Variants in NQO2 observed in about 807,000 individuals in gnomAD.
NQO2 encodes the protein N-ribosyldihydronicotinamide:quinone dehydrogenase 2.
In NQO2, 18 loss-of-function variants were observed where a neutral mutation model predicts 22.0. That is an observed-to-expected ratio of 0.82 (90% CI 0.56 to 1.21). The LOEUF (loss-of-function observed/expected upper bound fraction) is 1.21. NQO2 is among the 50% of genes most tolerant of loss of function. The pLI, the probability that NQO2 is intolerant of heterozygous loss-of-function variation, is 0.00. For synonymous variants in NQO2, 106 were observed against 110.8 expected, an observed-to-expected ratio of 0.96 and a Z score of 0.28; for missense variants, 267 against 286.9, an observed-to-expected ratio of 0.93 and a Z score of 0.50.
chr6:3,005,721 C>T, intron 1 of NQO2: 4 of 985,378 alleles, frequency 4.1e-6, no homozygotes, highest in African/African-American at 1.7e-5. Flanking sequence ...AGGCCAAAGG[C>T]TCCCCTGGGG....
At chr6:3,008,389 G>A (rs1342875058) in intron 2 of NQO2, among the ~76,000 whole-genome samples, 1 of 149,184 alleles carries the variant, frequency 6.7e-6, no homozygotes, top group African/African-American at 2.5e-5. Context: ...TCCAGCCTGG[G>A]CAACAAGAGC....
chr6:3,015,953 C>T (rs1022875328), intron 5 of NQO2, among the ~76,000 whole-genome samples: 1 of 152,172 alleles, frequency 6.6e-6, no homozygotes, highest in African/African-American at 2.4e-5. Flanking sequence ...CGGTGGCCAG[C>T]CCTGGCTCCA....
At chr6:3,012,854 C>A (rs1229770444) in intron 4 of NQO2, among the ~76,000 whole-genome samples, 180 bp downstream of exon 4, 1 of 151,470 alleles carries the variant, frequency 6.6e-6, no homozygotes, top group African/African-American at 2.4e-5. Context: ...CACCTAGTTA[C>A]ACCACTTCAC....
chr6:3,013,485 G>A (rs1757219026), intron 4 of NQO2, among the ~76,000 whole-genome samples: 2 of 152,066 alleles, frequency 1.3e-5, no homozygotes, highest in Admixed American at 1.3e-4. Context: ...CTGCACAAAT[G>A]TTTATCAGGG....
chr6:3,006,796 T>C lies in NQO2; in HGVS notation c.7+237T>C. ...TTCTATGTTCTCACTTGTTTCATTG[T>C]TCCTTTCGACTCCCTCCAGAATTTA... On this transcript the variant is annotated intron_variant, in intron 2 of 6. Transcript: ENST00000380455. This position sits in a 1 kb window ranked among gnomAD's most constrained non-coding sequence, Gnocchi z 4.0. 1 of 474,854 alleles carries C rather than the reference T, an allele frequency of 2.1e-6. No individual in the cohort carries two copies. The highest frequency in any genetic ancestry group is 3.7e-6 in the Non-Finnish European group (1 of 273,412). The allele number at this position is 474,854 out of a possible 1,614,324, so 29.4% of individuals were successfully genotyped here. A position where few individuals can be genotyped will look rare whatever the true frequency, so the allele number is the denominator to read the frequency against.
In NQO2 at chr6:3,000,521, C is replaced by G. The variant is rs1338818720; in HGVS notation, c.-86+436C>G. ...AATCAGCTTCTCTAACCTATAATCT[C>G]TCTGGGAAAAAAAAAAATCAGCTTT... is the stretch of plus-strand genomic sequence containing the variant. On this transcript the variant is annotated intron_variant, in intron 1 of 6. Transcript: ENST00000380455. Among the ~76,000 whole-genome samples the G allele has an allele frequency of 2.0e-5, 3 of 149,724 alleles. No homozygotes were observed. In the South Asian group the frequency reaches 6.2e-4, roughly 31 times the overall value.
At chr6:3,011,589 G>A (rs1412657631) in intron 3 of NQO2, among the ~76,000 whole-genome samples, 2 of 152,146 alleles carry the variant, frequency 1.3e-5, no homozygotes, top group Non-Finnish European at 2.9e-5. Context: ...AAATATCCTG[G>A]TAGAGGAAGG....
intron 5 of NQO2, among the ~76,000 whole-genome samples, chr6:3,016,295 G>A (rs1370368031): frequency 2.6e-5 from 4 of 152,056 alleles, no homozygotes; most frequent in Non-Finnish European, 4.4e-5. Context: ...GCCGGGCATG[G>A]TGGTAGGCGC....
intron 1 of NQO2, chr6:3,003,408 A>T: frequency 2.7e-6 from 1 of 368,210 alleles, no homozygotes; most frequent in Non-Finnish European, 3.8e-6. Context: ...CAGTGCTAAG[A>T]CAACCATGTC....
At chr6:3,016,418 G>A (rs1170729984) in intron 5 of NQO2, among the ~76,000 whole-genome samples, 5 of 126,116 alleles carry the variant, frequency 4.0e-5, no homozygotes, top group African/African-American at 1.4e-4. Flanking sequence ...GTGACAAAGC[G>A]AGACTCTGTC....
intron 1 of NQO2, among the ~76,000 whole-genome samples, chr6:3,000,582 C>T (rs1373355901): frequency 6.6e-6 from 1 of 151,962 alleles, no homozygotes; most frequent in Non-Finnish European, 1.5e-5. Context: ...CACTCTGTCG[C>T]CCAGGCTGGA....
Position 3,006,572 on chromosome 6 carries a change from T to C in NQO2, c.7+13T>C. On this transcript the variant is annotated intron_variant, in intron 2 of 6. Coordinates refer to ENST00000380455, the MANE Select transcript of NQO2 (RefSeq NM_000904.6). This position sits in a 1 kb window ranked among gnomAD's most constrained non-coding sequence, Gnocchi z 4.0. ...TACGCTATGGCAGGTAATGATTCAC[T>C]ATTGTGGAGTAAGACTTTTTTTTTT... 3 of 1,587,792 alleles carry C rather than the reference T, an allele frequency of 1.9e-6. No individual in the cohort carries two copies. The highest frequency in any genetic ancestry group is 2.6e-6 in the Non-Finnish European group (3 of 1,169,616).
intron 1 of NQO2, among the ~76,000 whole-genome samples, chr6:3,005,402 C>T (rs28739029): frequency 0.024 from 3,659 of 152,278 alleles, 112 homozygotes; most frequent in African/African-American, 0.081. Flanking sequence ...TCCTCACCTA[C>T]GTGTGTTTTG....
At chr6:3,012,841 T>C (rs1489352597) in intron 4 of NQO2, among the ~76,000 whole-genome samples, 167 bp downstream of exon 4, 2 of 151,712 alleles carry the variant, frequency 1.3e-5, no homozygotes, top group East Asian at 1.9e-4. Context: ...AGTTACAACA[T>C]TTCACCTAGT....
chr6:3,009,666 T>G (rs1014730034), intron 2 of NQO2, among the ~76,000 whole-genome samples: 2 of 152,336 alleles, frequency 1.3e-5, no homozygotes, highest in East Asian at 3.9e-4. Flanking sequence ...CCACGAAATC[T>G]TCACAATTTA....
Position 3,016,989 on chromosome 6 carries a change from G to T in NQO2, c.519+4G>T. ...ATACTTCCTGTGGCCACTCCAGGTA[G>T]ACCAGCTGCGAGTGGCTCCCTTGCT... On this transcript the variant is annotated splice_donor_region_variant and intron_variant, in intron 6 of 6. Coordinates refer to ENST00000380455, the MANE Select transcript of NQO2 (RefSeq NM_000904.6). 1 of 1,613,352 alleles carries T rather than the reference G, an allele frequency of 6.2e-7. No individual in the cohort carries two copies. The highest frequency in any genetic ancestry group is 1.1e-5 in the South Asian group (1 of 91,012).
chr6:3,001,334 G>C (rs763067943), intron 1 of NQO2, among the ~76,000 whole-genome samples: 3 of 152,024 alleles, frequency 2.0e-5, no homozygotes, highest in Admixed American at 6.6e-5. Flanking sequence ...CAGGTGATCC[G>C]CCTGCCTCGG....
intron 3 of NQO2, 55 bp downstream of exon 3, chr6:3,010,244 T>C (rs1190693735): frequency 4.2e-6 from 6 of 1,418,958 alleles, no homozygotes; most frequent in Non-Finnish European, 4.7e-6. Context: ...GTTTTTTACT[T>C]TAAAAAATGT....
intron 4 of NQO2, among the ~76,000 whole-genome samples, chr6:3,013,295 G>T (rs1184167016): frequency 1.3e-5 from 2 of 152,116 alleles, no homozygotes; most frequent in Non-Finnish European, 2.9e-5. Flanking sequence ...ATTGGGTAAA[G>T]ATATCCACGT....
Sources: gnomAD v4.1 joint callset for allele counts (sites outside exome capture counted in the v4.1 genomes callset) on GRCh38, gnomAD v4.1.1 for gene constraint, Gnocchi (gnomAD v3.1) non-coding constraint, MANE v1.5 for transcripts, NCBI Gene and HGNC (gene_info 2026-07-23, HGNC 2026-07-21) for gene names.